Variants in RBMS3 observed in about 807,000 individuals in gnomAD.
RBMS3 encodes RNA-binding motif, single-stranded-interacting protein 3.
A neutral mutation model predicts 66.8 loss-of-function variants in RBMS3; 27 were observed. That is an observed-to-expected ratio of 0.40 (90% CI 0.30 to 0.56). The LOEUF (loss-of-function observed/expected upper bound fraction) is 0.56. Among genes scored for constraint, RBMS3 ranks in the 20% least tolerant of loss-of-function variants. The pLI, the probability that RBMS3 is intolerant of heterozygous loss-of-function variation, is 0.40. For missense variants in RBMS3, 513 were observed against 549.5 expected, an observed-to-expected ratio of 0.93 and a Z score of 0.66; for synonymous variants, 188 against 183.0, an observed-to-expected ratio of 1.03 and a Z score of -0.22.
At position 29,739,759 on chromosome 3, in the gene RBMS3, C is replaced by T; in HGVS notation, c.439C>T (p.Leu147Phe). 6.2e-7 allele frequency: 1 copy of T among 1,611,810 alleles called. No individual in the cohort carries two copies. Among genetic ancestry groups the T allele is most frequent in the Non-Finnish European group, 8.5e-7 (1 of 1,179,010 alleles). The change falls in exon 5 of 15, where the codon CTC becomes TTC. Residue 147 changes from leucine to phenylalanine, a missense_variant. Coordinates refer to ENST00000383767, the MANE Select transcript of RBMS3 (RefSeq NM_001003793.3). ...CCCAACAAACCTATACATCTCAAAT[C>T]TCCCCATTTCTATGGATGAGCAGGA... ...QDPTNLYISN[L>F]PISMDEQELE...
chr3:29,526,045 T>G (rs1263319335), intron 3 of RBMS3, among the ~76,000 whole-genome samples: 2 of 152,142 alleles, frequency 1.3e-5, no homozygotes, highest in South Asian at 2.1e-4. Flanking sequence ...TACTTTAATA[T>G]TTCCAGTGAG....
At chr3:29,437,835 G>T (rs2041457632) in intron 2 of RBMS3, among the ~76,000 whole-genome samples, 1 of 152,052 alleles carries the variant, frequency 6.6e-6, no homozygotes, top group African/African-American at 2.4e-5. Context: ...CTAAAATTTT[G>T]ATATTTGATT....
chr3:29,381,971 ATCTC>A (rs1483268194), intron 1 of RBMS3, among the ~76,000 whole-genome samples: 1 of 151,946 alleles, frequency 6.6e-6, no homozygotes, highest in African/African-American at 2.4e-5. Context: ...TTCCCTGTCT[ATCTC>A]TTTCTTTTTT....
chr3:29,762,651 C>T (rs550096379), intron 5 of RBMS3, among the ~76,000 whole-genome samples: 2 of 152,146 alleles, frequency 1.3e-5, no homozygotes, highest in South Asian at 2.1e-4. Flanking sequence ...AAGATAATGC[C>T]GCAGGGTTAC....
chr3:29,761,279 G>T (rs1286663981), intron 5 of RBMS3, among the ~76,000 whole-genome samples: 1 of 152,052 alleles, frequency 6.6e-6, no homozygotes, highest in Non-Finnish European at 1.5e-5. Context: ...TCATAAGAAT[G>T]TACATCTGAA....
chr3:29,770,374 G>A (rs9837139), intron 6 of RBMS3, among the ~76,000 whole-genome samples: 21,125 of 151,834 alleles, frequency 0.14, 2,204 homozygotes, highest in African/African-American at 0.29. Context: ...AACATACTCT[G>A]TAATTTTTAA....
At chr3:29,536,954 A>T (rs954340149) in intron 3 of RBMS3, among the ~76,000 whole-genome samples, 8 of 152,306 alleles carry the variant, frequency 5.3e-5, no homozygotes, top group Non-Finnish European at 1.2e-4. Flanking sequence ...AGACTTTACT[A>T]CCAGTAGGTT....
intron 4 of RBMS3, among the ~76,000 whole-genome samples, chr3:29,624,429 G>T (rs1214951906): frequency 6.6e-6 from 1 of 151,982 alleles, no homozygotes; most frequent in Non-Finnish European, 1.5e-5. Context: ...TATTCAGTTT[G>T]GATATCCTCA....
intron 2 of RBMS3, among the ~76,000 whole-genome samples, chr3:29,478,713 T>G (rs556820769): frequency 1.8e-4 from 28 of 152,334 alleles, no homozygotes; most frequent in African/African-American, 6.5e-4. Context: ...AGAATCAGAT[T>G]TGATGTCTTC....
chr3:29,379,275 A>G (rs2038645492), intron 1 of RBMS3, among the ~76,000 whole-genome samples: 1 of 152,260 alleles, frequency 6.6e-6, no homozygotes, highest in South Asian at 2.1e-4. Flanking sequence ...TCTGATATGT[A>G]GCTGTAATCC....
rs549165148 is a variant in RBMS3, at chr3:29,918,967, G to C, written c.940-17119G>C. On this transcript the variant is annotated intron_variant, in intron 10 of 14. Transcript: ENST00000383767. Reference sequence around the variant, plus strand: ...TATTATCTACTTGTAAAACTAAAAAGTTATAAAAACAAGCAAAAAGCTTTA... The same window carrying C: ...TATTATCTACTTGTAAAACTAAAAACTTATAAAAACAAGCAAAAAGCTTTA... 2.0e-5 allele frequency among the ~76,000 whole-genome samples: 3 copies of C among 151,860 alleles called. No homozygotes were observed. The East Asian group carries it at 5.8e-4, about 29-fold the overall frequency.
intron 6 of RBMS3, among the ~76,000 whole-genome samples, chr3:29,763,483 T>G (rs1288858987): frequency 1.3e-5 from 2 of 152,076 alleles, no homozygotes; most frequent in Admixed American, 6.6e-5. Flanking sequence ...AATTTTCTTT[T>G]ACAAAAATAT....
intron 7 of RBMS3, among the ~76,000 whole-genome samples, chr3:29,873,980 C>T (rs970888664): frequency 2.0e-5 from 3 of 152,088 alleles, no homozygotes; most frequent in African/African-American, 7.2e-5. Context: ...CTGTCACTAG[C>T]TGTTATTAAT....
intron 1 of RBMS3, among the ~76,000 whole-genome samples, chr3:29,409,776 G>A (rs369635499): frequency 6.6e-6 from 1 of 152,208 alleles, no homozygotes; most frequent in Non-Finnish European, 1.5e-5. Context: ...AAGCATCAAT[G>A]TGCCTGCCTA....
chr3:29,339,099 C>G (rs1022843435), intron 1 of RBMS3, among the ~76,000 whole-genome samples: 3 of 152,148 alleles, frequency 2.0e-5, no homozygotes, highest in African/African-American at 7.2e-5. Context: ...CCTGTGGTAT[C>G]CCCTGACAGG....
chr3:29,358,342 G>A (rs574522662), intron 1 of RBMS3, among the ~76,000 whole-genome samples: 56 of 152,174 alleles, frequency 3.7e-4, no homozygotes, highest in Non-Finnish European at 7.6e-4. Flanking sequence ...GTTTGTTAAA[G>A]ATCAGATAGT....
At chr3:29,946,024 G>A (rs570876355) in intron 12 of RBMS3, among the ~76,000 whole-genome samples, 2 of 151,834 alleles carry the variant, frequency 1.3e-5, no homozygotes, top group African/African-American at 4.8e-5. Flanking sequence ...GGAGTATGAA[G>A]GAAGGGACCC....
chr3:29,343,624 C>G (rs2036406779), intron 1 of RBMS3, among the ~76,000 whole-genome samples: 1 of 152,170 alleles, frequency 6.6e-6, no homozygotes, highest in African/African-American at 2.4e-5. Context: ...CAACATGCCT[C>G]TCAATTGGAA....
At chr3:29,519,890 C>G (rs2044787171) in intron 3 of RBMS3, among the ~76,000 whole-genome samples, 1 of 152,102 alleles carries the variant, frequency 6.6e-6, no homozygotes, top group Admixed American at 6.6e-5. Context: ...CCCTTCTGTT[C>G]TAATCACAGT....
Sources: allele counts gnomAD v4.1 joint callset (sites outside exome capture counted in the v4.1 genomes callset), GRCh38; gene constraint gnomAD v4.1.1; transcripts MANE v1.5; gene names NCBI Gene and HGNC (gene_info 2026-07-23, HGNC 2026-07-21).